Variants in PDPR observed in about 807,000 individuals in gnomAD.
PDPR encodes the protein pyruvate dehydrogenase phosphatase regulatory subunit.
Under a neutral mutation model 102.2 loss-of-function variants are expected in PDPR, and 50 were observed. That is an observed-to-expected ratio of 0.49 (90% CI 0.39 to 0.62). The LOEUF (loss-of-function observed/expected upper bound fraction) is 0.62. Ranked by LOEUF, PDPR falls within the 20% of genes least tolerant of loss-of-function variation. PDPR has a pLI of 0.00. For synonymous variants in PDPR, 259 were observed against 406.0 expected (o/e 0.64, Z 4.35); for missense variants, 625 against 1,098.2 (o/e 0.57, Z 6.09).
At chr16:70,151,038 G>T (rs879464320) in intron 17 of PDPR, among the ~76,000 whole-genome samples, 6 of 152,238 alleles carry the variant, frequency 3.9e-5, no homozygotes, top group Admixed American at 2.6e-4. Flanking sequence ...GGGTTCAAGC[G>T]ATTCTCCTGC....
intron 3 of PDPR, among the ~76,000 whole-genome samples, chr16:70,121,699 A>C (rs1483972189): frequency 1.3e-5 from 2 of 152,210 alleles, no homozygotes; most frequent in Non-Finnish European, 2.9e-5. Flanking sequence ...CAAAAAAAAA[A>C]AAAAAGAATA....
rs761854818 is a variant in PDPR at position 70,146,195 on chromosome 16, G to C, written c.1929G>C (p.Met643Ile). The C allele has an allele frequency of 6.2e-7, 1 of 1,613,786 alleles. No homozygotes were observed. Among genetic ancestry groups the C allele is most frequent in the Non-Finnish European group, 8.5e-7 (1 of 1,179,848 alleles). Residue 643 changes from methionine to isoleucine, a missense_variant, in exon 16 of 19, where the codon ATG (methionine) becomes ATC (isoleucine). Around this residue, in one of 11 missense-constraint regions of PDPR, gnomAD observed 36 missense variants for 62.8 expected, o/e 0.57. Coordinates refer to ENST00000288050, the MANE Select transcript of PDPR (RefSeq NM_017990.5). ...DVLSELSYAPMTPDHFPSLFC... is the reference protein window; with the variant it reads ...DVLSELSYAPITPDHFPSLFC... ...TGTCTGAGTTGTCCTATGCCCCTAT[G>C]ACTCCAGACCACTTCCCAAGCCTCT... is the stretch of plus-strand genomic sequence containing the variant.
intron 16 of PDPR, 84 bp from the exon 17 acceptor site, chr16:70,148,380 G>A: frequency 2.1e-6 from 2 of 941,264 alleles, no homozygotes; most frequent in South Asian, 2.8e-5. Flanking sequence ...AGAGGGTGCA[G>A]CACTAATGAA....
rs1455188588 is a variant in PDPR, at chr16:70,156,792, C to T, written c.2553C>T (p.Ala851=). 2 of 1,613,970 alleles carry T rather than the reference C, an allele frequency of 1.2e-6. No individual in the cohort carries two copies. The highest frequency in any genetic ancestry group is 1.7e-6 in the Non-Finnish European group (2 of 1,179,916). ...ACATCGCGGGATACCGCTTCCAGGCCAAGGCCAAGCTCTACCCTGTCGCCT... is the reference window on the plus strand; with the variant it reads ...ACATCGCGGGATACCGCTTCCAGGCTAAGGCCAAGCTCTACCCTGTCGCCT... The part of the protein sequence containing the change: ...EIDIAGYRFQ[A]KAKLYPVASL... Residue 851 remains alanine, a synonymous_variant, in exon 19 of 19, where the codon GCC becomes GCT. Coordinates refer to ENST00000288050, the MANE Select transcript of PDPR (RefSeq NM_017990.5).
At chr16:70,130,602 G>A (rs1344588104) in intron 7 of PDPR, 58 bp downstream of exon 7, 1,021 of 1,603,714 alleles carry the variant, frequency 6.4e-4, no homozygotes, top group Non-Finnish European at 7.5e-4. Flanking sequence ...GATTTTTTTG[G>A]TGTAGAGAAG....
intron 9 of PDPR, among the ~76,000 whole-genome samples, chr16:70,134,827 C>G (rs377144845): frequency 1.3e-5 from 2 of 152,012 alleles, no homozygotes; most frequent in African/African-American, 4.8e-5. Flanking sequence ...TTACCTAGTT[C>G]CAAATTTAAA....
chr16:70,122,150 CTAA>C (rs1963378726), intron 3 of PDPR, among the ~76,000 whole-genome samples: 2 of 152,262 alleles, frequency 1.3e-5, no homozygotes, highest in African/African-American at 4.8e-5. Context: ...CCATGCCCGG[CTAA>C]TTTCTGTTTT....
intron 9 of PDPR, 64 bp downstream of exon 9, chr16:70,132,364 T>C: frequency 1.3e-6 from 2 of 1,492,506 alleles, no homozygotes; most frequent in African/African-American, 1.4e-5. Context: ...TTTTTCAAAG[T>C]ATTTTGAAGA....
In PDPR at chr16:70,156,711, G is replaced by A. The variant is rs778756216; in HGVS notation, c.2472G>A (p.Thr824=). The part of the protein sequence containing the change: ...LGFVHNFSED[T]GEEQVVTADF... The stretch of plus-strand genomic sequence containing the variant: ...TTGTGCACAATTTTTCTGAGGACAC[G>A]GGGGAAGAGCAAGTGGTGACAGCAG... The change falls in exon 19 of 19, where the codon ACG becomes ACA. Residue 824 remains threonine (T), a synonymous_variant. Transcript: ENST00000288050. The A allele has an allele frequency of 1.5e-5, 25 of 1,613,960 alleles. No homozygotes were observed. Among genetic ancestry groups the A allele is most frequent in the East Asian group, 8.9e-5 (4 of 44,904 alleles).
At chr16:70,128,132 G>A (rs1964162464) in intron 4 of PDPR, among the ~76,000 whole-genome samples, 1 of 152,238 alleles carries the variant, frequency 6.6e-6, no homozygotes, top group Admixed American at 6.5e-5. Context: ...CTTTGCCAGG[G>A]ATTACACTCC....
At chr16:70,149,369 G>GA (rs1255328307) in intron 17 of PDPR, among the ~76,000 whole-genome samples, 1 of 151,646 alleles carries the variant, frequency 6.6e-6, no homozygotes, top group African/African-American at 2.4e-5. Context: ...AGGTTCAAGT[G>GA]ATTGTCCTGC....
At chr16:70,118,353 G>A (rs1962868329) in intron 2 of PDPR, among the ~76,000 whole-genome samples, 1 of 152,362 alleles carries the variant, frequency 6.6e-6, no homozygotes, top group South Asian at 2.1e-4. Context: ...GGGAAGAAAG[G>A]AGGTGAAATT....
chr16:70,154,703 C>A (rs547553163), intron 18 of PDPR, among the ~76,000 whole-genome samples: 5 of 152,224 alleles, frequency 3.3e-5, no homozygotes, highest in Admixed American at 3.3e-4. Context: ...AGTGCAGTGG[C>A]GCGATGTTGG....
chr16:70,139,251 A>G (rs2549563), intron 11 of PDPR, among the ~76,000 whole-genome samples: 2 of 152,248 alleles, frequency 1.3e-5, no homozygotes, highest in Non-Finnish European at 2.9e-5. Context: ...GAACAAGAAA[A>G]TAGAATAGGA....
rs1297665979 is a variant in PDPR at position 70,159,708 on chromosome 16, C to T, written c.*2829C>T. On this transcript the variant is annotated 3_prime_UTR_variant, in exon 19 of 19. Transcript: ENST00000288050. ...GGAGAGGGCAGCATAACTTCCTGAC[C>T]ACCGGTGTCAGATATCAGAGCATTC... 6.5e-6 allele frequency: 1 copy of T among 152,856 alleles called. No individual in the cohort carries two copies. Among genetic ancestry groups the T allele is most frequent in the East Asian group, 1.9e-4 (1 of 5,212 alleles). The allele number at this position is 152,856 out of a possible 1,614,324, so 9.5% of individuals were successfully genotyped here.
chr16:70,152,425 A>G (rs1486152967), intron 17 of PDPR, among the ~76,000 whole-genome samples: 7 of 152,266 alleles, frequency 4.6e-5, no homozygotes, highest in Admixed American at 2.6e-4. Flanking sequence ...AGGCTGAGGC[A>G]GGAGATTCAC....
chr16:70,136,411 G>T (rs1965149578), intron 10 of PDPR, 25 bp downstream of exon 10: 1 of 1,540,160 alleles, frequency 6.5e-7, no homozygotes, highest in Admixed American at 1.8e-5. Flanking sequence ...CTCAAAGTCA[G>T]CTGTGAACAT....
chr16:70,153,334 G>T, intron 17 of PDPR, 57 bp from the exon 18 acceptor site: 2 of 1,538,588 alleles, frequency 1.3e-6, no homozygotes, highest in Non-Finnish European at 1.8e-6. Flanking sequence ...TTCCAGACAT[G>T]CTCCATGCTT....
chr16:70,140,414 C>T (rs1360570484), intron 11 of PDPR, among the ~76,000 whole-genome samples: 2 of 152,246 alleles, frequency 1.3e-5, no homozygotes, highest in African/African-American at 4.8e-5. Flanking sequence ...ATTTCCCTAC[C>T]CATAGTTACT....
Sources: allele counts gnomAD v4.1 joint callset (sites outside exome capture counted in the v4.1 genomes callset), GRCh38; gene constraint gnomAD v4.1.1; regional missense constraint gnomAD v4.1.1; transcripts MANE v1.5; gene names NCBI Gene and HGNC (gene_info 2026-07-23, HGNC 2026-07-21).